Variants in CD226 observed in about 807,000 individuals in gnomAD.
The protein encoded by CD226 is CD226 molecule, also known as CD226 antigen.
Under a neutral mutation model 34.9 loss-of-function variants are expected in CD226, and 24 were observed. The ratio of observed to expected loss-of-function variants is 0.69; its 90% CI spans 0.50 to 0.97. The LOEUF (loss-of-function observed/expected upper bound fraction) is 0.97. CD226 is among the 50% of genes least tolerant of loss of function. CD226 has a pLI of 0.00. For synonymous variants in CD226, 148 were observed against 147.4 expected, an observed-to-expected ratio of 1.00 and a Z score of -0.03; for missense variants, 397 against 412.7, an observed-to-expected ratio of 0.96 and a Z score of 0.33.
At chr18:69,900,766 A>C (rs1246588529) in intron 2 of CD226, among the ~76,000 whole-genome samples, 1 of 152,012 alleles carries the variant, frequency 6.6e-6, no homozygotes, top group Non-Finnish European at 1.5e-5. Flanking sequence ...ATTTCTAATA[A>C]AATAAAACTG....
chr18:69,937,194 T>C (rs1041945144), intron 2 of CD226, among the ~76,000 whole-genome samples: 8 of 152,312 alleles, frequency 5.3e-5, no homozygotes, highest in East Asian at 1.9e-4. Context: ...CCGGAATAAA[T>C]TGCTTTAATT....
intron 3 of CD226, among the ~76,000 whole-genome samples, chr18:69,881,378 GAA>G (rs2145209605): frequency 6.6e-6 from 1 of 152,226 alleles, no homozygotes; most frequent in Non-Finnish European, 1.5e-5. Context: ...TTGGTTTATT[GAA>G]AACAGAGACT....
At chr18:69,898,176 C>T (rs1378156235) in intron 2 of CD226, among the ~76,000 whole-genome samples, 2 of 151,858 alleles carry the variant, frequency 1.3e-5, no homozygotes, top group African/African-American at 4.8e-5. Context: ...GCTAGCACAC[C>T]ATGTGGAGAA....
chr18:69,880,771 C>T (rs2145208270), intron 3 of CD226, among the ~76,000 whole-genome samples: 1 of 151,808 alleles, frequency 6.6e-6, no homozygotes, highest in East Asian at 1.9e-4. Flanking sequence ...CCTGCCTCAG[C>T]CCCCTGAGTA....
At chr18:69,948,704 T>C (rs1042337885), upstream of CD226, among the ~76,000 whole-genome samples, 1 of 152,222 alleles carries the variant, frequency 6.6e-6, no homozygotes, top group African/African-American at 2.4e-5. Context: ...TCTAGTTGTT[T>C]TGTGATGTAG....
At position 69,947,744 on chromosome 18, in the gene CD226, CAAA is replaced by C. The variant is rs113034942; in HGVS notation, c.-341_-339del. ...TGTAGGCAATGAGGATACAATAATA[CAAA>C]AAAAAAAAAATATTGCCATGATAGA... On this transcript the variant is annotated 5_prime_UTR_variant, in exon 1 of 6. Coordinates refer to ENST00000582621, the MANE Select transcript of CD226 (RefSeq NM_001303618.2). 8.1e-5 allele frequency: 12 copies of C among 148,408 alleles called. No homozygotes were observed. Among genetic ancestry groups the C allele is most frequent in the Non-Finnish European group, 1.1e-4 (8 of 71,978 alleles). 9.2% of individuals were successfully genotyped at this position (148,408 alleles called of 1,614,324 possible).
At chr18:69,944,980 C>T (rs941822441) in intron 2 of CD226, among the ~76,000 whole-genome samples, 4 of 152,140 alleles carry the variant, frequency 2.6e-5, no homozygotes, top group Non-Finnish European at 5.9e-5. Context: ...ATCTCCTGAC[C>T]ATTTGATATT....
intron 2 of CD226, among the ~76,000 whole-genome samples, chr18:69,907,965 A>C (rs1040746902): frequency 6.6e-6 from 1 of 152,180 alleles, no homozygotes; most frequent in South Asian, 2.1e-4. Flanking sequence ...GTACCCTATA[A>C]ATTTATAGAA....
At chr18:69,890,580 T>C (rs775026418) in intron 3 of CD226, among the ~76,000 whole-genome samples, 2 of 152,228 alleles carry the variant, frequency 1.3e-5, no homozygotes. Flanking sequence ...GGAAGCAGTT[T>C]GGTCTGATGT....
chr18:69,895,600 C>A (rs906135929), intron 3 of CD226, 101 bp downstream of exon 3: 20 of 829,562 alleles, frequency 2.4e-5, no homozygotes, highest in Non-Finnish European at 3.5e-5. Context: ...GCTGAATATG[C>A]GCATTAAATG....
At chr18:69,869,062 T>G (rs948506307) in intron 4 of CD226, among the ~76,000 whole-genome samples, 2 of 152,214 alleles carry the variant, frequency 1.3e-5, no homozygotes, top group Non-Finnish European at 2.9e-5. Flanking sequence ...GGTGGGAATG[T>G]AAATTAGTTC....
intron 2 of CD226, among the ~76,000 whole-genome samples, chr18:69,920,914 A>G (rs893961351): frequency 3.3e-5 from 5 of 152,194 alleles, no homozygotes; most frequent in Admixed American, 2.6e-4. Flanking sequence ...ACTACAAATT[A>G]TTAATTCTGG....
intron 2 of CD226, 98 bp downstream of exon 2, chr18:69,946,636 T>C (rs1486877806): frequency 1.3e-6 from 1 of 795,280 alleles, no homozygotes; most frequent in Non-Finnish European, 2.0e-6. Context: ...GCCACAGAAA[T>C]ACGAGAAGAC....
At chr18:69,888,916 A>G (rs1010308378) in intron 3 of CD226, among the ~76,000 whole-genome samples, 3 of 152,180 alleles carry the variant, frequency 2.0e-5, no homozygotes, top group African/African-American at 7.2e-5. Flanking sequence ...TATCTATACA[A>G]TAATAGTATG....
intron 2 of CD226, among the ~76,000 whole-genome samples, chr18:69,942,663 G>A (rs1408742917): frequency 6.6e-6 from 1 of 152,154 alleles, no homozygotes; most frequent in Admixed American, 6.5e-5. Flanking sequence ...GCTGGTGCAT[G>A]CAGGGAGAGA....
At chr18:69,904,502 G>C (rs1354644243) in intron 2 of CD226, among the ~76,000 whole-genome samples, 3 of 152,192 alleles carry the variant, frequency 2.0e-5, no homozygotes, top group African/African-American at 7.2e-5. Flanking sequence ...GCTCCTGAAA[G>C]GTAACCGTGG....
intron 2 of CD226, among the ~76,000 whole-genome samples, chr18:69,933,135 T>C (rs73464767): frequency 0.016 from 2,400 of 152,246 alleles, 36 homozygotes; most frequent in African/African-American, 0.035. Flanking sequence ...GTGTCTCCTA[T>C]CTGCCTGCTT....
intron 3 of CD226, among the ~76,000 whole-genome samples, chr18:69,877,127 G>A (rs1040253646): frequency 1.3e-5 from 2 of 152,126 alleles, no homozygotes; most frequent in African/African-American, 4.8e-5. Flanking sequence ...GCCTCCCAAA[G>A]TGCTGGGATT....
At chr18:69,864,664 T>C (rs1459927480) in intron 5 of CD226, among the ~76,000 whole-genome samples, 1 of 152,246 alleles carries the variant, frequency 6.6e-6, no homozygotes, top group African/African-American at 2.4e-5. Flanking sequence ...TGTATTGTGC[T>C]ATGAATTACC....
Sources: gnomAD v4.1 joint callset for allele counts (sites outside exome capture counted in the v4.1 genomes callset) on GRCh38, gnomAD v4.1.1 for gene constraint, MANE v1.5 for transcripts, NCBI Gene and HGNC (gene_info 2026-07-23, HGNC 2026-07-21) for gene names.